The following SUCO variants were observed in gnomAD, a reference collection of about 807,000 sequenced individuals.
SUCO encodes SUN domain containing ossification factor.
SUCO carries 57 observed loss-of-function variants against 148.1 expected under a neutral mutation model. The observed-to-expected ratio is 0.38, with a 90% CI of 0.31 to 0.48. The LOEUF (loss-of-function observed/expected upper bound fraction) is 0.48. Ranked by LOEUF, SUCO falls within the 20% of genes least tolerant of loss-of-function variation. The pLI, the probability that SUCO is intolerant of heterozygous loss-of-function variation, is 0.96. For synonymous variants in SUCO, 470 were observed against 502.7 expected (o/e 0.93, Z 0.87); for missense variants, 1,331 against 1,468.2 (o/e 0.91, Z 1.53).
chr1:172,535,594 C>G (rs1355657519), intron 1 of SUCO, among the ~76,000 whole-genome samples: 2 of 152,170 alleles, frequency 1.3e-5, no homozygotes, highest in African/African-American at 2.4e-5. Context: ...CAACCTCATT[C>G]CCTTTAACAG....
intron 19 of SUCO, among the ~76,000 whole-genome samples, chr1:172,592,289 C>T (rs1049755480): frequency 1.4e-4 from 21 of 152,218 alleles, no homozygotes; most frequent in African/African-American, 4.6e-4. Flanking sequence ...AATTAGATCT[C>T]ATTTGTCAAT....
rs1224077008 is a variant in SUCO at position 172,557,685 on chromosome 1, G to A, written c.623G>A (p.Gly208Asp). The change falls in exon 6 of 24, where the codon GGT becomes GAT. Residue 208 changes from glycine (G) to aspartate (D), a missense_variant. Coordinates refer to ENST00000263688, the MANE Select transcript of SUCO (RefSeq NM_014283.5). ...QHIENVSSSH[G>D]KGKITKSEFE... ...ATAGAAAATGTATCATCTTCACATG[G>A]TAAAGGAAAGATAACAAAATCAGAA... is the stretch of plus-strand genomic sequence containing the variant. 6.2e-7 allele frequency: 1 copy of A among 1,612,742 alleles called. No individual in the cohort carries two copies. The highest frequency in any genetic ancestry group is 8.5e-7 in the Non-Finnish European group (1 of 1,179,556).
intron 7 of SUCO, chr1:172,569,351 T>C: frequency 2.1e-6 from 2 of 958,246 alleles, no homozygotes; most frequent in Non-Finnish European, 2.5e-6. Context: ...AAATCCATTC[T>C]TGTAAATTAT....
chr1:172,553,122 CA>C, intron 2 of SUCO, 137 bp from the exon 3 acceptor site: 8 of 933,740 alleles, frequency 8.6e-6, no homozygotes, highest in Non-Finnish European at 8.9e-6. Flanking sequence ...ATCTTGTATA[CA>C]AATGAAATTA....
intron 16 of SUCO, 98 bp from the exon 17 acceptor site, chr1:172,585,760 G>A (rs1656195089): frequency 1.3e-6 from 1 of 768,242 alleles, no homozygotes; most frequent in Non-Finnish European, 2.1e-6. Context: ...AACCTATTTG[G>A]CTTTTTTCTT....
chr1:172,562,723 C>T (rs1654268284), intron 6 of SUCO, among the ~76,000 whole-genome samples: 1 of 152,150 alleles, frequency 6.6e-6, no homozygotes, highest in Non-Finnish European at 1.5e-5. Flanking sequence ...TTATAAAAGT[C>T]TCCTTTATGA....
In SUCO at chr1:172,589,154, T is replaced by C. The variant is rs200500979; in HGVS notation, c.2053T>C (p.Leu685=). The change falls in exon 18 of 24, where the codon TTG becomes CTG. Residue 685 remains leucine, a synonymous_variant. Coordinates refer to ENST00000263688, the MANE Select transcript of SUCO (RefSeq NM_014283.5). ...AGTATTGCAACCTCTGAGTGGAGAA[T>C]TGGAAAATACGAATATAGAAAGGGA... ...VSVLQPLSGE[L]ENTNIEREAE... 2.5e-6 allele frequency: 4 copies of C among 1,613,788 alleles called. No homozygotes were observed. Among genetic ancestry groups the C allele is most frequent in the Non-Finnish European group, 3.4e-6 (4 of 1,179,926 alleles).
Position 172,610,061 on chromosome 1 carries a change from T to C in SUCO, c.3567T>C (p.Asn1189=), listed in dbSNP as rs910068164. Residue 1189 remains asparagine (N), a synonymous_variant, in exon 24 of 24, where the codon AAT becomes AAC. Coordinates refer to ENST00000263688, the MANE Select transcript of SUCO (RefSeq NM_014283.5). The part of the protein sequence containing the change: ...CGISACTSLC[N]GQSQKTKTEK... ...TTTCAGCTTGCACAAGTCTGTGCAA[T>C]GGACAGTCTCAAAAGACAAAAACTG... The C allele has an allele frequency of 1.9e-6, 3 of 1,613,854 alleles. No individual in the cohort carries two copies. The highest frequency in any genetic ancestry group is 8.5e-7 in the Non-Finnish European group (1 of 1,179,876).
At chr1:172,592,684 G>A (rs552110718) in intron 19 of SUCO, among the ~76,000 whole-genome samples, 1 of 152,320 alleles carries the variant, frequency 6.6e-6, no homozygotes, top group Non-Finnish European at 1.5e-5. Context: ...CTGTAGCCTT[G>A]TAGTATAGTT....
intron 6 of SUCO, among the ~76,000 whole-genome samples, chr1:172,561,173 G>A (rs1187011289): frequency 2.0e-5 from 3 of 152,242 alleles, no homozygotes; most frequent in African/African-American, 7.2e-5. Flanking sequence ...GGAAACTTCT[G>A]CTTTAGTGTC....
At chr1:172,536,329 T>C (rs1271935467) in intron 1 of SUCO, among the ~76,000 whole-genome samples, 2 of 152,222 alleles carry the variant, frequency 1.3e-5, no homozygotes, top group Admixed American at 6.5e-5. Flanking sequence ...TTTGACTTGT[T>C]ATGTAACTTC....
intron 19 of SUCO, among the ~76,000 whole-genome samples, chr1:172,592,619 C>T (rs1656753547): frequency 6.6e-6 from 1 of 152,168 alleles, no homozygotes; most frequent in Non-Finnish European, 1.5e-5. Flanking sequence ...GGGTTCTGTT[C>T]TGTTCCATTG....
chr1:172,589,728 T>C lies in SUCO; in HGVS notation c.2627T>C (p.Leu876Pro). 1 of 1,613,428 alleles carries C rather than the reference T, an allele frequency of 6.2e-7. No homozygotes were observed. Among genetic ancestry groups the C allele is most frequent in the Non-Finnish European group, 8.5e-7 (1 of 1,179,586 alleles). ...KEEEQSPEDA[L>P]LRGLQRTATD... Reference sequence around the variant, plus strand: ...GAAGAACAGTCTCCAGAAGATGCCCTTTTGAGAGGGTTACAGAGGACAGCT... The same window carrying C: ...GAAGAACAGTCTCCAGAAGATGCCCCTTTGAGAGGGTTACAGAGGACAGCT... Residue 876 changes from leucine to proline, a missense_variant, in exon 18 of 24, where the codon CTT (leucine) becomes CCT (proline). Coordinates refer to ENST00000263688, the MANE Select transcript of SUCO (RefSeq NM_014283.5).
At chr1:172,574,138 G>A (rs1571237671) in intron 10 of SUCO, 140 bp downstream of exon 10, 2 of 606,902 alleles carry the variant, frequency 3.3e-6, no homozygotes, top group African/African-American at 1.9e-5. Flanking sequence ...ACGATAATAC[G>A]ACTGTATTGT....
intron 3 of SUCO, chr1:172,555,293 T>C (rs1443188592): frequency 4.9e-6 from 3 of 609,992 alleles, no homozygotes; most frequent in African/African-American, 2.0e-5. Flanking sequence ...TAATTCTGTT[T>C]AGGGTTGATC....
At chr1:172,546,974 T>A (rs927177615) in intron 1 of SUCO, among the ~76,000 whole-genome samples, 1 of 152,164 alleles carries the variant, frequency 6.6e-6, no homozygotes, top group African/African-American at 2.4e-5. Flanking sequence ...TTTTGACACA[T>A]GCATACACCT....
chr1:172,566,654 T>G (rs1376635902), intron 6 of SUCO, among the ~76,000 whole-genome samples: 1 of 152,264 alleles, frequency 6.6e-6, no homozygotes, highest in Non-Finnish European at 1.5e-5. Context: ...TCTGCAGTCA[T>G]ACCCACTTTT....
intron 6 of SUCO, among the ~76,000 whole-genome samples, chr1:172,566,052 G>C (rs764505432): frequency 6.6e-6 from 1 of 152,194 alleles, no homozygotes; most frequent in African/African-American, 2.4e-5. Flanking sequence ...GCTTGCACAG[G>C]GGCTGGTAAC....
Position 172,533,295 on chromosome 1 carries a change from A to G in SUCO, c.-141A>G. The G allele has an allele frequency of 1.3e-6, 2 of 1,550,178 alleles. No homozygotes were observed. On this transcript the variant is annotated 5_prime_UTR_variant, in exon 1 of 24. Transcript: ENST00000263688. ...GCTGCCAGGACGCGAGCCACTGAGG[A>G]GCCGCTCAGCCAGCGCCATAGCCCT...
Sources: gnomAD v4.1 joint callset for allele counts (sites outside exome capture counted in the v4.1 genomes callset) on GRCh38, gnomAD v4.1.1 for gene constraint, MANE v1.5 for transcripts, NCBI Gene and HGNC (gene_info 2026-07-23, HGNC 2026-07-21) for gene names.